The following CHLSN variants were observed in gnomAD, a reference collection of about 807,000 sequenced individuals.
CHLSN encodes the protein protein cholesin.
At chr7:1,006,700 A>G in the CHLSN span, among the ~76,000 whole-genome samples, 3 of 150,250 alleles carry the variant, frequency 2.0e-5, no homozygotes, top group South Asian at 2.1e-4. Flanking sequence ...GTCATACTGC[A>G]GGGAAAGAGC....
the CHLSN span, among the ~76,000 whole-genome samples, chr7:1,018,040 C>T: frequency 2.0e-5 from 3 of 152,220 alleles, no homozygotes; most frequent in Non-Finnish European, 2.9e-5. Context: ...CCACGGGGCT[C>T]AGACGTTCCC....
At chr7:998,612 T>G in the CHLSN span, among the ~76,000 whole-genome samples, 1 of 152,090 alleles carries the variant, frequency 6.6e-6, no homozygotes, top group Non-Finnish European at 1.5e-5. Context: ...ACCTAGCTAA[T>G]TTTTGTATTT....
At chr7:1,004,678 C>A in the CHLSN span, among the ~76,000 whole-genome samples, 1 of 152,178 alleles carries the variant, frequency 6.6e-6, no homozygotes, top group African/African-American at 2.4e-5. Context: ...CGGCACTGGG[C>A]GAGGCCTCCT....
the CHLSN span, among the ~76,000 whole-genome samples, chr7:1,011,604 CCA>C: frequency 2.0e-5 from 3 of 148,866 alleles, no homozygotes; most frequent in South Asian, 4.2e-4. Context: ...ATACCCACAG[CCA>C]CACACGCCCA....
At chr7:988,926 C>G in the CHLSN span, 1 of 714,870 alleles carries the variant, frequency 1.4e-6, no homozygotes, top group Non-Finnish European at 2.3e-6. Flanking sequence ...CTGGGAGGGC[C>G]CTGAGGACTC....
At chr7:1,113,160 G>A in the CHLSN span, among the ~76,000 whole-genome samples, 1 of 151,544 alleles carries the variant, frequency 6.6e-6, no homozygotes, top group African/African-American at 2.4e-5. Context: ...TCTGTGCGAG[G>A]CATCCACGTC....
chr7:1,089,260 A>G, the CHLSN span, among the ~76,000 whole-genome samples: 6 of 152,376 alleles, frequency 3.9e-5, 1 homozygote, highest in East Asian at 1.2e-3. Context: ...TCAAGAGTGC[A>G]AAATAACCAA....
At chr7:1,114,284 C>T in the CHLSN span, among the ~76,000 whole-genome samples, 5 of 152,330 alleles carry the variant, frequency 3.3e-5, no homozygotes, top group East Asian at 9.6e-4. Context: ...GCAGAAAGAC[C>T]TGCTGCCTAA....
chr7:1,135,243 C>T, the CHLSN span, among the ~76,000 whole-genome samples: 1 of 152,114 alleles, frequency 6.6e-6, no homozygotes, highest in Non-Finnish European at 1.5e-5. Flanking sequence ...ACCAACTAGA[C>T]GCTGATGACT....
At chr7:1,112,561 C>G in the CHLSN span, among the ~76,000 whole-genome samples, 3 of 152,322 alleles carry the variant, frequency 2.0e-5, no homozygotes, top group South Asian at 6.2e-4. Context: ...TCCCACGGAA[C>G]CTGGCAGCTT....
chr7:1,078,937 C>CCGT, the CHLSN span, among the ~76,000 whole-genome samples: 1 of 67,740 alleles, frequency 1.5e-5, no homozygotes, highest in African/African-American at 3.6e-5. Flanking sequence ...GGTCAGGGCT[C>CCGT]CATCAAGACT....
the CHLSN span, among the ~76,000 whole-genome samples, chr7:1,072,840 C>T: frequency 2.0e-5 from 3 of 152,168 alleles, no homozygotes; most frequent in Admixed American, 6.5e-5. Flanking sequence ...TGCGCCACCA[C>T]GCCTGGCTAA....
the CHLSN span, among the ~76,000 whole-genome samples, chr7:1,048,764 A>G: frequency 3.9e-5 from 6 of 152,238 alleles, no homozygotes; most frequent in African/African-American, 1.2e-4. Context: ...ACACCCTGCT[A>G]TGGCCATGGT....
At chr7:1,018,688 G>C in the CHLSN span, among the ~76,000 whole-genome samples, 1 of 152,200 alleles carries the variant, frequency 6.6e-6, no homozygotes, top group African/African-American at 2.4e-5. Context: ...GGGAGGCCAA[G>C]GTGGGAGGCT....
the CHLSN span, among the ~76,000 whole-genome samples, chr7:1,122,447 C>T: frequency 2.6e-5 from 4 of 152,316 alleles, no homozygotes; most frequent in South Asian, 2.1e-4. Context: ...GGTGGTCACG[C>T]GTATGCCGCC....
the CHLSN span, among the ~76,000 whole-genome samples, chr7:1,003,291 G>A: frequency 0.029 from 751 of 25,520 alleles, 73 homozygotes; most frequent in African/African-American, 0.072. Context: ...TCCTGCGGGT[G>A]AGTGGAGTCC....
the CHLSN span, among the ~76,000 whole-genome samples, chr7:1,015,700 G>A: frequency 3.3e-5 from 5 of 152,176 alleles, no homozygotes; most frequent in South Asian, 8.3e-4. Context: ...AACCCAGAGG[G>A]CCAGAGGGAC....
the CHLSN span, among the ~76,000 whole-genome samples, chr7:1,132,880 C>T: frequency 6.6e-6 from 1 of 152,022 alleles, no homozygotes; most frequent in Non-Finnish European, 1.5e-5. Context: ...AAAGAAGATA[C>T]ACGAATGACC....
At chr7:1,136,238 AAT>A in the CHLSN span, among the ~76,000 whole-genome samples, 3 of 113,316 alleles carry the variant, frequency 2.6e-5, no homozygotes, top group African/African-American at 1.1e-4. Context: ...AAATATATAA[AAT>A]ATATATAAAT....
Sources: allele counts gnomAD v4.1 joint callset (sites outside exome capture counted in the v4.1 genomes callset), GRCh38; gene constraint gnomAD v4.1.1; transcripts MANE v1.5; gene names NCBI Gene and HGNC (gene_info 2026-07-23, HGNC 2026-07-21).